Variants in ABCA13 observed in about 807,000 individuals in gnomAD.
ABCA13 encodes the protein ATP-binding cassette sub-family A member 13.
Under a neutral mutation model 478.7 loss-of-function variants are expected in ABCA13, and 476 were observed. That is an observed-to-expected ratio of 0.99 (90% confidence interval 0.92 to 1.07). The LOEUF (loss-of-function observed/expected upper bound fraction) is 1.07. Ranked by LOEUF, ABCA13 falls within the 50% of genes least tolerant of loss-of-function variation. The pLI is 0.00. For synonymous variants in ABCA13, 2,252 were observed against 2,158.9 expected, an observed-to-expected ratio of 1.04 and a Z score of -1.20; for missense variants, 6,060 against 5,910.6, an observed-to-expected ratio of 1.03 and a Z score of -0.83.
At position 48,455,087 on chromosome 7, in the gene ABCA13, G is replaced by A; in HGVS notation, c.12616G>A (p.Ala4206Thr). 1 of 1,548,118 alleles carries A rather than the reference G, an allele frequency of 6.5e-7. No individual in the cohort carries two copies. Among genetic ancestry groups the A allele is most frequent in the Non-Finnish European group, 8.7e-7 (1 of 1,147,320 alleles). Reference sequence around the variant, plus strand: ...TGTGCAGGGCGTCCAGCTGCTCCGCGCACAAGTGGCCGCGATCCTGGCCCG... The same window carrying A: ...TGTGCAGGGCGTCCAGCTGCTCCGCACACAAGTGGCCGCGATCCTGGCCCG... ...ATVQGVQLLRAQVAAILARRL... is the reference protein window; with the variant it reads ...ATVQGVQLLRTQVAAILARRL... The change falls in exon 43 of 62, where the codon GCA becomes ACA. Residue 4206 changes from alanine to threonine, a missense_variant. Around this residue, in one of 3 missense-constraint regions of ABCA13, gnomAD observed 1,627 missense variants for 1,571.0 expected, o/e 1.04. Coordinates refer to ENST00000435803, the MANE Select transcript of ABCA13 (RefSeq NM_152701.5).
chr7:48,450,469 T>A (rs1266524839), intron 42 of ABCA13, among the ~76,000 whole-genome samples: 2 of 152,210 alleles, frequency 1.3e-5, no homozygotes, highest in Non-Finnish European at 2.9e-5. Flanking sequence ...ACCTTCGCTT[T>A]TTAAATTAAA....
chr7:48,304,496 C>T (rs952650918), intron 23 of ABCA13, among the ~76,000 whole-genome samples: 32 of 152,100 alleles, frequency 2.1e-4, no homozygotes, highest in Admixed American at 9.8e-4. Flanking sequence ...TATTTTTTGA[C>T]TTTTTAATAA....
chr7:48,536,249 C>T (rs1833571434), intron 55 of ABCA13, among the ~76,000 whole-genome samples: 1 of 147,850 alleles, frequency 6.8e-6, no homozygotes, highest in South Asian at 2.1e-4. Context: ...GGTAATATTT[C>T]TATTTATGAA....
rs140567291 is a variant in ABCA13, at chr7:48,472,759, T to C, written c.12975+1160T>C. On this transcript the variant is annotated intron_variant, in intron 45 of 61. Coordinates refer to ENST00000435803, the MANE Select transcript of ABCA13 (RefSeq NM_152701.5). ...GTTAGGACTAGGTGTGTCATTTCCA[T>C]AAGGCACGAATCCCTGGCAGTCCCC... is the stretch of plus-strand genomic sequence containing the variant. 7.6e-4 allele frequency among the ~76,000 whole-genome samples: 115 copies of C among 152,296 alleles called. 2 individuals carry two copies. The East Asian group carries it at 0.019, about 25-fold the overall frequency.
intron 1 of ABCA13, among the ~76,000 whole-genome samples, chr7:48,178,449 C>A (rs565065019): frequency 6.6e-6 from 1 of 151,898 alleles, no homozygotes; most frequent in Admixed American, 6.6e-5. Context: ...CCGAGGAGGG[C>A]GGATCACCTG....
At chr7:48,490,527 G>T (rs768497862) in intron 48 of ABCA13, among the ~76,000 whole-genome samples, 1 of 152,154 alleles carries the variant, frequency 6.6e-6, no homozygotes, top group African/African-American at 2.4e-5. Context: ...ATTCTGGTGG[G>T]CATGAATACA....
rs544127347 is a variant in ABCA13, at chr7:48,307,805, C to A, written c.9322-2142C>A. 1.1e-4 allele frequency among the ~76,000 whole-genome samples: 16 copies of A among 152,196 alleles called. No individual in the cohort carries two copies. The South Asian group carries it at 3.3e-3, about 31-fold the overall frequency. ...AAGCAATTCCCCTGCCTCAGTCTCC[C>A]AAGCAGCTGGGATTACAGGTGTACG... On this transcript the variant is annotated intron_variant, in intron 23 of 61. Transcript: ENST00000435803.
Position 48,272,361 on chromosome 7 carries a change from A to G in ABCA13, c.2695A>G (p.Ile899Val), listed in dbSNP as rs1290024719. ...TTTTGTACGTTTAAGTGAGGCTATA[A>G]TAACTAGTCTCCATGAATTTGGATT... ...IDFVRLSEAI[I>V]TSLHEFGFLE... The change falls in exon 17 of 62, where the codon ATA becomes GTA. Residue 899 changes from isoleucine (I) to valine (V), a missense_variant. By Grantham distance (29) the Ile-to-Val change is conservative. Transcript: ENST00000435803. 1.7e-5 allele frequency: 28 copies of G among 1,613,676 alleles called. No homozygotes were observed. Among genetic ancestry groups the G allele is most frequent in the Admixed American group, 3.3e-5 (2 of 59,988 alleles).
chr7:48,498,593 C>T (rs1309362867), intron 48 of ABCA13, among the ~76,000 whole-genome samples: 7 of 151,932 alleles, frequency 4.6e-5, no homozygotes, highest in Non-Finnish European at 8.8e-5. Flanking sequence ...TTAGCCACAA[C>T]CTCAAAGGCA....
At position 48,372,515 on chromosome 7, in the gene ABCA13, T is replaced by TA. The variant is rs11357239; in HGVS notation, c.11133+36dup. On this transcript the variant is annotated intron_variant, in intron 33 of 61. Coordinates refer to ENST00000435803, the MANE Select transcript of ABCA13 (RefSeq NM_152701.5). ...CATTTCTGGTAAGTAAGTTGTTTTG[T>TA]AAAAAAAAAAAAAAAAAACAACAAA... 0.088 allele frequency: 103,748 copies of TA among 1,177,782 alleles called. 53 individuals are homozygous for TA. The highest frequency in any genetic ancestry group is 0.12 in the South Asian group (6,455 of 55,010). The allele number at this position is 1,177,782 out of a possible 1,614,324, so 73.0% of individuals were successfully genotyped here.
At chr7:48,477,025 A>T (rs926254765) in intron 45 of ABCA13, among the ~76,000 whole-genome samples, 7 of 152,196 alleles carry the variant, frequency 4.6e-5, no homozygotes, top group African/African-American at 1.7e-4. Context: ...GTCACAATCC[A>T]GGATAATCTT....
At chr7:48,444,672 G>T (rs1353919523) in intron 42 of ABCA13, among the ~76,000 whole-genome samples, 2 of 151,910 alleles carry the variant, frequency 1.3e-5, no homozygotes, top group Non-Finnish European at 2.9e-5. Context: ...AGGTTTCCTT[G>T]TTCCCATACT....
chr7:48,541,487 A>G (rs1346583429), intron 55 of ABCA13, among the ~76,000 whole-genome samples: 1 of 152,106 alleles, frequency 6.6e-6, no homozygotes, highest in Non-Finnish European at 1.5e-5. Context: ...TGATAATTAT[A>G]ATGACAAAGA....
intron 58 of ABCA13, among the ~76,000 whole-genome samples, chr7:48,607,040 C>T (rs777028824): frequency 4.6e-5 from 7 of 152,168 alleles, no homozygotes; most frequent in South Asian, 2.1e-4. Flanking sequence ...TCAGCAAGGA[C>T]GGATGCCCCT....
chr7:48,248,984 T>A (rs1012759177), intron 14 of ABCA13, among the ~76,000 whole-genome samples: 6 of 152,208 alleles, frequency 3.9e-5, no homozygotes, highest in African/African-American at 1.4e-4. Context: ...TATTGTCTTA[T>A]ATTTTATGTA....
chr7:48,595,219 C>T lies in ABCA13; in HGVS notation c.14744+406C>T, dbSNP rs1790161419. Among the ~76,000 whole-genome samples the T allele has an allele frequency of 2.6e-5, 4 of 152,328 alleles. No individual in the cohort carries two copies. The South Asian group carries it at 8.3e-4, about 32-fold the overall frequency. On this transcript the variant is annotated intron_variant, in intron 58 of 61. Coordinates refer to ENST00000435803, the MANE Select transcript of ABCA13 (RefSeq NM_152701.5). ...CTGAACTAAAATACTTAACAGGTTA[C>T]TGAATCTGGTTTAACATTTTCTTTA...
chr7:48,273,585 G>T lies in ABCA13; in HGVS notation c.3919G>T (p.Asp1307Tyr). The change falls in exon 17 of 62, where the codon GAC becomes TAC. Residue 1307 changes from aspartate (D) to tyrosine (Y), a missense_variant. Transcript: ENST00000435803. ...YIVRNLDSIN[D>Y]FLSNNLTNYG... ...AGTCAGAAATCTAGATTCAATAAATGACTTTCTTTCAAATAATCTCACAAA... is the reference window on the plus strand; with the variant it reads ...AGTCAGAAATCTAGATTCAATAAATTACTTTCTTTCAAATAATCTCACAAA... 6.3e-7 allele frequency: 1 copy of T among 1,587,814 alleles called. No homozygotes were observed. Among genetic ancestry groups the T allele is most frequent in the South Asian group, 1.1e-5 (1 of 87,922 alleles).
rs1348581116 is a variant in ABCA13, at chr7:48,219,494, C to T, written c.428C>T (p.Ser143Phe). Residue 143 changes from serine (S) to phenylalanine (F), a missense_variant, in exon 4 of 62, where the codon TCC becomes TTC. Ser to Phe is a radical substitution (Grantham distance 155). Coordinates refer to ENST00000435803, the MANE Select transcript of ABCA13 (RefSeq NM_152701.5). ...TTAAAAAGACTTTGGGTAGAACGAT[C>T]CAACACTCCAGGCAAGTAAACCTCT... ...KNLKRLWVER[S>F]NTPDSSYGSS... is the part of the protein sequence containing the mutation. 6.2e-7 allele frequency: 1 copy of T among 1,610,526 alleles called. No homozygotes were observed. The highest frequency in any genetic ancestry group is 1.7e-5 in the Admixed American group (1 of 59,276).
At chr7:48,595,564 A>T (rs1585920349) in intron 58 of ABCA13, among the ~76,000 whole-genome samples, 1 of 152,320 alleles carries the variant, frequency 6.6e-6, no homozygotes, top group East Asian at 1.9e-4. Flanking sequence ...TGACAGAAGA[A>T]ATGAGACTTC....
Sources: gnomAD v4.1 joint callset for allele counts (sites outside exome capture counted in the v4.1 genomes callset) on GRCh38, gnomAD v4.1.1 for gene constraint, gnomAD v4.1.1 regional missense constraint, MANE v1.5 for transcripts, NCBI Gene and HGNC (gene_info 2026-07-23, HGNC 2026-07-21) for gene names.